The following PTPN12 variants were observed in gnomAD, a reference collection of about 807,000 sequenced individuals.
PTPN12 encodes the protein protein tyrosine phosphatase non-receptor type 12, also known as tyrosine-protein phosphatase non-receptor type 12.
PTPN12 carries 29 observed loss-of-function variants against 97.6 expected under a neutral mutation model. The ratio of observed to expected loss-of-function variants is 0.30; its 90% confidence interval spans 0.22 to 0.41. PTPN12 has a LOEUF of 0.41. Among genes scored for constraint, PTPN12 ranks in the 10% least tolerant of loss-of-function variants. The probability of loss-of-function intolerance (pLI) is 1.00; values close to 1 mark genes in which losing one functional copy is unlikely to be tolerated. For synonymous variants in PTPN12, 327 were observed against 300.4 expected, an observed-to-expected ratio of 1.09 and a Z score of -0.91; for missense variants, 819 against 926.0, an observed-to-expected ratio of 0.88 and a Z score of 1.50.
intron 9 of PTPN12, among the ~76,000 whole-genome samples, chr7:77,609,903 AAC>A (rs1274638475): frequency 2.0e-5 from 3 of 149,878 alleles, no homozygotes; most frequent in Non-Finnish European, 4.5e-5. Context: ...ACAAAAAAAA[AAC>A]CCAAAAATCT....
intron 14 of PTPN12, among the ~76,000 whole-genome samples, chr7:77,633,643 A>C (rs1789483237): frequency 6.6e-6 from 1 of 151,890 alleles, no homozygotes; most frequent in East Asian, 1.9e-4. Flanking sequence ...TTATGAAAAC[A>C]TTAATTGCTT....
At chr7:77,567,420 G>A (rs148826707) in intron 1 of PTPN12, among the ~76,000 whole-genome samples, 31 of 152,230 alleles carry the variant, frequency 2.0e-4, no homozygotes, top group African/African-American at 7.2e-4. Context: ...GTAGGAGCTA[G>A]GGCTTAAAAT....
intron 1 of PTPN12, among the ~76,000 whole-genome samples, chr7:77,559,354 G>A (rs1381718566): frequency 1.3e-5 from 2 of 152,116 alleles, no homozygotes; most frequent in Non-Finnish European, 2.9e-5. Context: ...TCTGAGTATG[G>A]TTATATTCAG....
In PTPN12 at chr7:77,627,261, C is replaced by T; in HGVS notation, c.1582C>T (p.Leu528Phe). 1.2e-6 allele frequency: 2 copies of T among 1,614,092 alleles called. No individual in the cohort carries two copies. Among genetic ancestry groups the T allele is most frequent in the Non-Finnish European group, 1.7e-6 (2 of 1,179,980 alleles). ...DTPPRPDRLP[L>F]DEKGHVTWSF... ...ACCTCCAAGGCCAGACCGCTTGCCT[C>T]TTGATGAGAAAGGACATGTAACGTG... The change falls in exon 13 of 18, where the codon CTT becomes TTT. Residue 528 changes from leucine to phenylalanine, a missense_variant. Physicochemically the swap from Leu to Phe is conservative, Grantham distance 22. Coordinates refer to ENST00000248594, the MANE Select transcript of PTPN12 (RefSeq NM_002835.4).
chr7:77,607,342 T>C (rs1788407627), intron 9 of PTPN12, 41 bp downstream of exon 9: 1 of 1,372,536 alleles, frequency 7.3e-7, no homozygotes, highest in African/African-American at 1.4e-5. Context: ...AATTGATCTA[T>C]TATGATTTTC....
chr7:77,619,434 G>C (rs1202347011), intron 12 of PTPN12, among the ~76,000 whole-genome samples: 3 of 152,136 alleles, frequency 2.0e-5, no homozygotes, highest in Non-Finnish European at 4.4e-5. Flanking sequence ...GAAAAAGCCT[G>C]CAGCTTCCCT....
At chr7:77,537,980 G>C (rs545824431) in intron 1 of PTPN12, 18 of 726,656 alleles carry the variant, frequency 2.5e-5, no homozygotes, top group Non-Finnish European at 2.5e-5. Flanking sequence ...GTGCAGGCCG[G>C]GGGGGGGGGC....
chr7:77,553,375 T>C (rs915550373), intron 1 of PTPN12, among the ~76,000 whole-genome samples: 4 of 152,246 alleles, frequency 2.6e-5, no homozygotes, highest in Non-Finnish European at 5.9e-5. Flanking sequence ...TGTCCATTTC[T>C]GATAGAGGAG....
intron 11 of PTPN12, among the ~76,000 whole-genome samples, chr7:77,618,056 T>C (rs1420831428): frequency 6.6e-6 from 1 of 151,874 alleles, no homozygotes. Context: ...TAATGGGGAG[T>C]CATAAAAAGA....
rs1789239393 is a variant in PTPN12, at chr7:77,627,489, G to C, written c.1810G>C (p.Asp604His). ...PLSFTNPLHS[D>H]DSDSDERNSD... ...CAGTTTTACTAATCCACTTCACTCT[G>C]ATGACTCAGACTCAGATGAAAGAAA... is the stretch of plus-strand genomic sequence containing the variant. The change falls in exon 13 of 18, where the codon GAT (aspartate) becomes CAT (histidine). Residue 604 changes from aspartate (D) to histidine (H), a missense_variant. Asp to His is a moderately conservative substitution (Grantham distance 81). Around this residue, in one of 5 missense-constraint regions of PTPN12, gnomAD observed 607 missense variants for 577.3 expected, o/e 1.05. Transcript: ENST00000248594. The C allele has an allele frequency of 6.2e-7, 1 of 1,613,806 alleles. No individual in the cohort carries two copies. The highest frequency in any genetic ancestry group is 8.5e-7 in the Non-Finnish European group (1 of 1,179,784).
intron 11 of PTPN12, among the ~76,000 whole-genome samples, chr7:77,616,212 A>G (rs1788745130): frequency 6.6e-6 from 1 of 152,082 alleles, no homozygotes; most frequent in African/African-American, 2.4e-5. Context: ...CCAATCCCTC[A>G]ATGCCATTCT....
chr7:77,639,157 G>GT, intron 17 of PTPN12, 62 bp from the exon 18 acceptor site: 1 of 1,308,116 alleles, frequency 7.6e-7, no homozygotes, highest in Non-Finnish European at 1.1e-6. Context: ...TGTGGACATG[G>GT]TTTTTAGTAG....
intron 1 of PTPN12, among the ~76,000 whole-genome samples, chr7:77,564,930 G>T (rs903656057): frequency 6.9e-6 from 1 of 144,516 alleles, no homozygotes; most frequent in African/African-American, 2.4e-5. Flanking sequence ...GCTAATTTTT[G>T]TATTTTTAGT....
At chr7:77,568,131 C>G (rs1422795452) in intron 1 of PTPN12, among the ~76,000 whole-genome samples, 3 of 152,138 alleles carry the variant, frequency 2.0e-5, no homozygotes, top group African/African-American at 7.2e-5. Flanking sequence ...ATAGAGCATT[C>G]TCCATTTTAA....
intron 1 of PTPN12, among the ~76,000 whole-genome samples, chr7:77,553,998 G>A (rs943322706): frequency 6.6e-6 from 1 of 151,272 alleles, no homozygotes; most frequent in Non-Finnish European, 1.5e-5. Flanking sequence ...ACAAGGTGTC[G>A]CTTAGTTGCT....
intron 1 of PTPN12, chr7:77,537,937 T>A: frequency 1.5e-6 from 1 of 679,204 alleles, no homozygotes; most frequent in Non-Finnish European, 1.9e-6. Context: ...GACCACCTAT[T>A]GTTTACCGGG....
At chr7:77,609,672 A>C (rs1346211869) in intron 9 of PTPN12, among the ~76,000 whole-genome samples, 1 of 151,892 alleles carries the variant, frequency 6.6e-6, no homozygotes, top group African/African-American at 2.4e-5. Flanking sequence ...CGAGGTCAGC[A>C]GATTGAGACC....
chr7:77,541,605 G>C (rs916731658), intron 1 of PTPN12, among the ~76,000 whole-genome samples: 1 of 152,084 alleles, frequency 6.6e-6, no homozygotes, highest in Non-Finnish European at 1.5e-5. Flanking sequence ...AGTTTTGTCA[G>C]TTTATACAAC....
At position 77,583,719 on chromosome 7, in the gene PTPN12, A is replaced by C. The variant is rs1280199668; in HGVS notation, c.381+69A>C. 4.1e-6 allele frequency: 4 copies of C among 978,560 alleles called. No individual in the cohort carries two copies. The East Asian group carries it at 1.0e-4, about 25-fold the overall frequency. 60.6% of individuals were successfully genotyped at this position (978,560 alleles called of 1,614,324 possible). A position where few individuals can be genotyped will look rare whatever the true frequency, so the allele number is the denominator to read the frequency against. The stretch of plus-strand genomic sequence containing the variant: ...GTAATAACATAGGCTATTTTACTGA[A>C]TAAGGAATGAGGGGATTTTTAAAAA... On this transcript the variant is annotated intron_variant, in intron 4 of 17. Coordinates refer to ENST00000248594, the MANE Select transcript of PTPN12 (RefSeq NM_002835.4).
Sources: allele counts gnomAD v4.1 joint callset (sites outside exome capture counted in the v4.1 genomes callset), GRCh38; gene constraint gnomAD v4.1.1; regional missense constraint gnomAD v4.1.1; transcripts MANE v1.5; gene names NCBI Gene and HGNC (gene_info 2026-07-23, HGNC 2026-07-21).